Variants in ATP8A2 observed in about 807,000 individuals in gnomAD.
ATP8A2 encodes ATPase phospholipid transporting 8A2.
ATP8A2 carries 100 observed loss-of-function variants against 165.6 expected under a neutral mutation model. That is an observed-to-expected ratio of 0.60 (90% confidence interval 0.51 to 0.71). ATP8A2 has a LOEUF of 0.71. ATP8A2 is among the 30% of genes least tolerant of loss of function. ATP8A2 has a pLI of 0.00. For synonymous variants in ATP8A2, 543 were observed against 548.8 expected, an observed-to-expected ratio of 0.99 and a Z score of 0.15; for missense variants, 1,227 against 1,479.5, an observed-to-expected ratio of 0.83 and a Z score of 2.80.
chr13:25,704,614 G>C (rs1225260691), intron 25 of ATP8A2, among the ~76,000 whole-genome samples: 1 of 152,128 alleles, frequency 6.6e-6, no homozygotes, highest in Non-Finnish European at 1.5e-5. Flanking sequence ...GAGATTACAG[G>C]CATGAGCCAC....
intron 1 of ATP8A2, among the ~76,000 whole-genome samples, chr13:25,455,054 A>G (rs1207853328): frequency 2.0e-5 from 3 of 152,186 alleles, no homozygotes; most frequent in Non-Finnish European, 4.4e-5. Flanking sequence ...AAGTAAATCC[A>G]TTTTGTCTGT....
chr13:25,660,313 G>A (rs745846208), intron 24 of ATP8A2, among the ~76,000 whole-genome samples: 10 of 152,114 alleles, frequency 6.6e-5, no homozygotes, highest in Non-Finnish European at 1.2e-4. Context: ...AAGTCCAATG[G>A]TATATTCTGT....
At chr13:25,908,701 A>T (rs1467459817) in intron 33 of ATP8A2, among the ~76,000 whole-genome samples, 1 of 152,192 alleles carries the variant, frequency 6.6e-6, no homozygotes, top group Non-Finnish European at 1.5e-5. Flanking sequence ...ACAAGTTCCA[A>T]ATAGAGAAAA....
intron 28 of ATP8A2, among the ~76,000 whole-genome samples, chr13:25,828,409 AC>A (rs937658746): frequency 3.3e-5 from 5 of 152,108 alleles, no homozygotes; most frequent in African/African-American, 1.2e-4. Flanking sequence ...TTCCTGAATA[AC>A]CCCTTGAAAT....
chr13:25,428,488 A>G (rs115021590), intron 1 of ATP8A2, among the ~76,000 whole-genome samples: 2,641 of 152,286 alleles, frequency 0.017, 62 homozygotes, highest in African/African-American at 0.056. Flanking sequence ...GAACACATGA[A>G]TGGCACTTAA....
rs145352867 is a variant in ATP8A2, at chr13:25,803,090, G to A, written c.2680-25028G>A. Among the ~76,000 whole-genome samples the A allele has an allele frequency of 3.9e-3, 586 of 151,896 alleles. 5 individuals carry two copies. The highest frequency in any genetic ancestry group is 0.013 in the African/African-American group (544 of 41,434). ...TTCCTTTACTTAAAACCCTGAAACC[G>A]GACATTTTCTAACTGAAATCACATT... On this transcript the variant is annotated intron_variant, in intron 27 of 36. Transcript: ENST00000381655.
chr13:25,437,963 GCTTTAGAAAACAAC>G lies in ATP8A2; in HGVS notation c.77-30998_77-30985del, dbSNP rs1200591992. ...AGATAAGGCAGCCTTATTTATTAAG[GCTTTAGAAAACAAC>G]CTTTAGAAAACAACCCTTTCCCTTT... On this transcript the variant is annotated intron_variant, in intron 1 of 36. Coordinates refer to ENST00000381655, the MANE Select transcript of ATP8A2 (RefSeq NM_016529.6). Among the ~76,000 whole-genome samples the G allele has an allele frequency of 5.9e-5, 9 of 152,210 alleles. No individual in the cohort carries two copies. In the South Asian group the frequency reaches 1.0e-3, roughly 18 times the overall value.
At chr13:25,891,689 G>T (rs1475931517) in intron 33 of ATP8A2, among the ~76,000 whole-genome samples, 1 of 152,068 alleles carries the variant, frequency 6.6e-6, no homozygotes, top group African/African-American at 2.4e-5. Context: ...TCATTAGGGG[G>T]CTCTGTGAGG....
intron 1 of ATP8A2, among the ~76,000 whole-genome samples, chr13:25,383,917 T>A (rs563192440): frequency 1.3e-5 from 2 of 152,214 alleles, no homozygotes; most frequent in Non-Finnish European, 2.9e-5. Flanking sequence ...TTTCTCTGGA[T>A]AACAGGTATG....
At chr13:25,895,580 A>G (rs1593520771) in intron 33 of ATP8A2, among the ~76,000 whole-genome samples, 2 of 151,928 alleles carry the variant, frequency 1.3e-5, no homozygotes, top group African/African-American at 4.8e-5. Flanking sequence ...CTCTTTTTCT[A>G]TTGATTGGAA....
intron 24 of ATP8A2, among the ~76,000 whole-genome samples, chr13:25,694,861 T>G (rs1450912392): frequency 1.3e-5 from 2 of 152,100 alleles, no homozygotes; most frequent in African/African-American, 4.8e-5. Context: ...TGTCCCTTTT[T>G]TTCTAGGGAC....
intron 8 of ATP8A2, among the ~76,000 whole-genome samples, chr13:25,540,746 T>C (rs2038448423): frequency 6.6e-6 from 1 of 152,186 alleles, no homozygotes; most frequent in African/African-American, 2.4e-5. Flanking sequence ...TACATCATTG[T>C]TGTAATAAAG....
intron 33 of ATP8A2, among the ~76,000 whole-genome samples, chr13:25,877,065 G>A (rs774645725): frequency 1.4e-4 from 21 of 150,224 alleles, no homozygotes; most frequent in Non-Finnish European, 2.2e-4. Flanking sequence ...TCCCCTCAAT[G>A]TTTTCAGTGG....
Position 25,528,827 on chromosome 13 carries a change from T to TGCAACATGTGTATGCACAC in ATP8A2, c.222-1172_222-1171insGCAACATGTGTATGCACAC, listed in dbSNP as rs1566225027. On this transcript the variant is annotated intron_variant, in intron 2 of 36. Coordinates refer to ENST00000381655, the MANE Select transcript of ATP8A2 (RefSeq NM_016529.6). ...CATATGCAACATGTGTATGCACACATATGCAACATGTGTATGCACACATAT... is the reference window on the plus strand; with the variant it reads ...CATATGCAACATGTGTATGCACACATGCAACATGTGTATGCACACATGCAACATGTGTATGCACACATAT... Among the ~76,000 whole-genome samples, 31 of 81,472 alleles carry TGCAACATGTGTATGCACAC rather than the reference T, an allele frequency of 3.8e-4. 10 individuals carry two copies. Among genetic ancestry groups the TGCAACATGTGTATGCACAC allele is most frequent in the African/African-American group, 1.1e-3 (30 of 26,742 alleles). 53.4% of individuals were successfully genotyped at this position (81,472 alleles called of 152,430 possible). A position where few individuals can be genotyped will look rare whatever the true frequency, so the allele number is the denominator to read the frequency against.
At position 25,953,054 on chromosome 13, in the gene ATP8A2, G is replaced by A. The variant is rs746477025; in HGVS notation, c.3184-8521G>A. On this transcript the variant is annotated intron_variant, in intron 33 of 36. Transcript: ENST00000381655. This position sits in a 1 kb window ranked among gnomAD's most constrained non-coding sequence, Gnocchi z 6.7. ...CAAGGAGGGCTGAGAAGAGAAGGTGGCAATGGCAACTGCAAGGGTTCTTCC... is the reference window on the plus strand; with the variant it reads ...CAAGGAGGGCTGAGAAGAGAAGGTGACAATGGCAACTGCAAGGGTTCTTCC... Among the ~76,000 whole-genome samples, 2 of 152,174 alleles carry A rather than the reference G, an allele frequency of 1.3e-5. No individual in the cohort carries two copies. Among genetic ancestry groups the A allele is most frequent in the African/African-American group, 2.4e-5 (1 of 41,444 alleles).
intron 33 of ATP8A2, among the ~76,000 whole-genome samples, chr13:25,873,611 G>A (rs1296558490): frequency 6.6e-6 from 1 of 151,210 alleles, no homozygotes; most frequent in African/African-American, 2.4e-5. Context: ...ATGAATCCAG[G>A]CTCTGTTATT....
chr13:25,504,530 G>C (rs1163128825), intron 2 of ATP8A2, among the ~76,000 whole-genome samples: 1 of 146,316 alleles, frequency 6.8e-6, no homozygotes, highest in African/African-American at 2.5e-5. Context: ...CATGAGGTCA[G>C]GAGATCGAGA....
intron 27 of ATP8A2, among the ~76,000 whole-genome samples, chr13:25,801,458 GC>G (rs1176043832): frequency 6.6e-6 from 1 of 152,142 alleles, no homozygotes; most frequent in Non-Finnish European, 1.5e-5. Flanking sequence ...GTGAGCCAGT[GC>G]TGCTCTTACA....
intron 10 of ATP8A2, among the ~76,000 whole-genome samples, chr13:25,549,687 C>G (rs139963275): frequency 2.0e-5 from 3 of 152,176 alleles, no homozygotes; most frequent in African/African-American, 7.2e-5. Flanking sequence ...GCTGCTGTGA[C>G]AGATTTCCAC....
Sources: allele counts gnomAD v4.1 joint callset (sites outside exome capture counted in the v4.1 genomes callset), GRCh38; gene constraint gnomAD v4.1.1; non-coding constraint Gnocchi (gnomAD v3.1); transcripts MANE v1.5; gene names NCBI Gene and HGNC (gene_info 2026-07-23, HGNC 2026-07-21).